ANKRD22: variants seen among roughly 807,000 people sequenced by gnomAD.
The protein encoded by ANKRD22 is ankyrin repeat domain-containing protein 22.
In ANKRD22, 24 loss-of-function variants were observed where a neutral mutation model predicts 25.7. The ratio of observed to expected loss-of-function variants is 0.93; its 90% CI spans 0.68 to 1.31. The LOEUF (loss-of-function observed/expected upper bound fraction) is 1.31. Among genes scored for constraint, ANKRD22 ranks in the 50% most tolerant of loss-of-function variants. The pLI, the probability that ANKRD22 is intolerant of heterozygous loss-of-function variation, is 0.00. For missense variants in ANKRD22, 214 were observed against 227.1 expected, an observed-to-expected ratio of 0.94 and a Z score of 0.37; for synonymous variants, 84 against 84.3, an observed-to-expected ratio of 1.00 and a Z score of 0.02.
At chr10:88,825,952 A>C in intron 4 of ANKRD22, 86 bp downstream of exon 4, 1 of 1,147,466 alleles carries the variant, frequency 8.7e-7, no homozygotes, top group East Asian at 2.5e-5. Context: ...GTCTAGGAAA[A>C]TAAAGCAACT....
chr10:88,826,230 T>G, intron 3 of ANKRD22, 115 bp from the exon 4 acceptor site: 1 of 784,416 alleles, frequency 1.3e-6, no homozygotes, highest in Non-Finnish European at 2.0e-6. Context: ...TATGCATGCA[T>G]GCACCCTTCC....
rs56194758 is a variant in ANKRD22, at chr10:88,823,827, C to CAAAAAAAAAAAAAAAAAAAAAAAA, written c.400-450_400-449insTTTTTTTTTTTTTTTTTTTTTTTT. Among the ~76,000 whole-genome samples, 50 of 103,724 alleles carry CAAAAAAAAAAAAAAAAAAAAAAAA rather than the reference C, an allele frequency of 4.8e-4. 3 individuals are homozygous for CAAAAAAAAAAAAAAAAAAAAAAAA. Among genetic ancestry groups the CAAAAAAAAAAAAAAAAAAAAAAAA allele is most frequent in the African/African-American group, 2.0e-3 (47 of 23,244 alleles). 68.0% of individuals were successfully genotyped at this position (103,724 alleles called of 152,430 possible). On this transcript the variant is annotated intron_variant, in intron 4 of 5. Transcript: ENST00000371930. ...TGGGCGACAGAGCGAGACTCCGTCTCAAAAAAAAAAAAAAAAAAATTTCTT... is the reference window on the plus strand; with the variant it reads ...TGGGCGACAGAGCGAGACTCCGTCTCAAAAAAAAAAAAAAAAAAAAAAAAAAAAAAAAAAAAAAAAAAATTTCTT...
intron 1 of ANKRD22, among the ~76,000 whole-genome samples, chr10:88,838,784 A>G (rs1478862008): frequency 3.9e-5 from 6 of 152,182 alleles, no homozygotes; most frequent in African/African-American, 1.4e-4. Flanking sequence ...TCAAAAAACA[A>G]CGGTGACCAA....
chr10:88,842,149 G>A (rs1417321432), intron 1 of ANKRD22, among the ~76,000 whole-genome samples: 1 of 151,920 alleles, frequency 6.6e-6, no homozygotes, highest in Non-Finnish European at 1.5e-5. Flanking sequence ...TCTCCTTTGG[G>A]AAAAATAAAA....
intron 1 of ANKRD22, among the ~76,000 whole-genome samples, chr10:88,848,171 T>G (rs1756771): frequency 7.7e-6 from 1 of 130,690 alleles, no homozygotes; most frequent in African/African-American, 3.2e-5. Context: ...TATGTATATA[T>G]GTGTATATAT....
rs572565115 is a variant in ANKRD22, at chr10:88,832,196, A to G, written c.22-170T>C. 2.6e-5 allele frequency among the ~76,000 whole-genome samples: 4 copies of G among 152,278 alleles called. No individual in the cohort carries two copies. The East Asian group carries it at 5.8e-4, about 22-fold the overall frequency. Reference sequence around the variant, plus strand: ...CAGTTATGCCTAGCTTTAAGTCTAGATCAAGAATTAGCCCATGAGGAACCT... The same window carrying G: ...CAGTTATGCCTAGCTTTAAGTCTAGGTCAAGAATTAGCCCATGAGGAACCT... On this transcript the variant is annotated intron_variant, in intron 1 of 5. Transcript: ENST00000371930.
At chr10:88,849,891 CCTT>C (rs1349451452) in intron 1 of ANKRD22, among the ~76,000 whole-genome samples, 3 of 152,054 alleles carry the variant, frequency 2.0e-5, no homozygotes, top group African/African-American at 7.2e-5. Flanking sequence ...CTCATTCTCT[CCTT>C]CTTTCTTAAA....
Position 88,848,395 on chromosome 10 carries a change from A to C in ANKRD22, c.21+3192T>G, listed in dbSNP as rs962921903. On this transcript the variant is annotated intron_variant, in intron 1 of 5. Transcript: ENST00000371930. Reference sequence around the variant, plus strand: ...CTCTGAACTTTTGTGACTTAGCACAACATTTTAATTTGTAAAATTACTTTC... The same window carrying C: ...CTCTGAACTTTTGTGACTTAGCACACCATTTTAATTTGTAAAATTACTTTC... 7.2e-5 allele frequency among the ~76,000 whole-genome samples: 11 copies of C among 152,080 alleles called. No individual in the cohort carries two copies. The East Asian group carries it at 2.1e-3, about 29-fold the overall frequency.
chr10:88,847,079 T>C (rs1482100866), intron 1 of ANKRD22, among the ~76,000 whole-genome samples: 1 of 152,182 alleles, frequency 6.6e-6, no homozygotes, highest in Non-Finnish European at 1.5e-5. Flanking sequence ...TACCATTAAG[T>C]GGCATGTGTT....
Position 88,833,704 on chromosome 10 carries a change from C to T in ANKRD22, c.22-1678G>A, listed in dbSNP as rs1843927561. 2.0e-5 allele frequency among the ~76,000 whole-genome samples: 3 copies of T among 152,284 alleles called. No individual in the cohort carries two copies. In the South Asian group the frequency reaches 6.2e-4, roughly 32 times the overall value. On this transcript the variant is annotated intron_variant, in intron 1 of 5. Transcript: ENST00000371930. ...CAGCAATTAAAGGCAAACTTCTGTACCTTAAAAATGAAATGAACATGATAC... is the reference window on the plus strand; with the variant it reads ...CAGCAATTAAAGGCAAACTTCTGTATCTTAAAAATGAAATGAACATGATAC...
At chr10:88,841,294 C>A (rs986191529) in intron 1 of ANKRD22, among the ~76,000 whole-genome samples, 13 of 151,968 alleles carry the variant, frequency 8.6e-5, no homozygotes, top group African/African-American at 2.9e-4. Flanking sequence ...CTCAGACCAC[C>A]ACAGAGGTAT....
At position 88,820,169 on chromosome 10, in the gene ANKRD22, C is replaced by T. The variant is rs1843769881; in HGVS notation, c.*2772G>A. On this transcript the variant is annotated 3_prime_UTR_variant, in exon 6 of 6. Transcript: ENST00000371930. ...GCATGTTTATTATGTCTATTTGAAA[C>T]ATAAATTATGAGCCTGAAAGTCCAA... is the stretch of plus-strand genomic sequence containing the variant. 1 of 1,342,774 alleles carries T rather than the reference C, an allele frequency of 7.4e-7. No homozygotes were observed. Among genetic ancestry groups the T allele is most frequent in the East Asian group, 2.5e-5 (1 of 39,876 alleles). The allele number at this position is 1,342,774 out of a possible 1,614,324, so 83.2% of individuals were successfully genotyped here.
intron 1 of ANKRD22, among the ~76,000 whole-genome samples, chr10:88,834,586 T>C (rs1377850960): frequency 6.6e-6 from 1 of 152,156 alleles, no homozygotes; most frequent in Non-Finnish European, 1.5e-5. Flanking sequence ...TTAACAACAT[T>C]TAAAAAACTA....
intron 2 of ANKRD22, among the ~76,000 whole-genome samples, chr10:88,829,202 G>A (rs1199312448): frequency 6.6e-6 from 1 of 152,106 alleles, no homozygotes; most frequent in East Asian, 1.9e-4. Context: ...AAGGGTTGTG[G>A]GAGATGTGAA....
intron 2 of ANKRD22, 59 bp from the exon 3 acceptor site, chr10:88,828,725 G>C (rs1387429604): frequency 3.9e-6 from 5 of 1,283,382 alleles, no homozygotes; most frequent in Non-Finnish European, 5.5e-6. Flanking sequence ...AATTTATTCA[G>C]ATGGCCATCT....
At chr10:88,843,779 T>A (rs1844024215) in intron 1 of ANKRD22, among the ~76,000 whole-genome samples, 1 of 152,170 alleles carries the variant, frequency 6.6e-6, no homozygotes, top group Non-Finnish European at 1.5e-5. Context: ...CTGCAGTAAA[T>A]TCTTTGGAGA....
rs201648864 is a variant in ANKRD22, at chr10:88,830,906, G to A, written c.213+929C>T. On this transcript the variant is annotated intron_variant, in intron 2 of 5. Transcript: ENST00000371930. The stretch of plus-strand genomic sequence containing the variant: ...AGATCCTATTATAGTCCACGATGTT[G>A]CATATCTGTTCCATTCAGCACAGGC... Among the ~76,000 whole-genome samples the A allele has an allele frequency of 2.6e-5, 4 of 152,192 alleles. No homozygotes were observed. In the East Asian group the frequency reaches 7.7e-4, roughly 29 times the overall value.
chr10:88,830,379 C>A (rs1280599470), intron 2 of ANKRD22, among the ~76,000 whole-genome samples: 1 of 152,086 alleles, frequency 6.6e-6, no homozygotes, highest in Non-Finnish European at 1.5e-5. Flanking sequence ...TCAATAGAAT[C>A]CATAGGCTTG....
chr10:88,826,948 A>C (rs1372420519), intron 3 of ANKRD22, among the ~76,000 whole-genome samples: 1 of 152,226 alleles, frequency 6.6e-6, no homozygotes, highest in East Asian at 1.9e-4. Flanking sequence ...CATAATAAAC[A>C]TACGTTAAAG....
Sources: gnomAD v4.1 joint callset for allele counts (sites outside exome capture counted in the v4.1 genomes callset) on GRCh38, gnomAD v4.1.1 for gene constraint, MANE v1.5 for transcripts, NCBI Gene and HGNC (gene_info 2026-07-23, HGNC 2026-07-21) for gene names.